The following BCAR3 variants were observed in gnomAD, a reference collection of about 807,000 sequenced individuals.
BCAR3 encodes the protein breast cancer anti-estrogen resistance protein 3.
BCAR3 carries 37 observed loss-of-function variants against 80.1 expected under a neutral mutation model. The observed-to-expected ratio is 0.46, with a 90% confidence interval of 0.36 to 0.61. The LOEUF is 0.61. BCAR3 is among the 20% of genes least tolerant of loss of function. The pLI is 0.00. For missense variants in BCAR3, 978 were observed against 1,068.2 expected, an observed-to-expected ratio of 0.92 and a Z score of 1.18; for synonymous variants, 389 against 418.9, an observed-to-expected ratio of 0.93 and a Z score of 0.87.
intron 3 of BCAR3, among the ~76,000 whole-genome samples, chr1:93,616,441 A>G (rs1450356866): frequency 2.6e-5 from 4 of 152,122 alleles, no homozygotes; most frequent in Non-Finnish European, 4.4e-5. Flanking sequence ...AACGCTGCCT[A>G]TTTACGCTGA....
chr1:93,695,179 C>T (rs1649346565), intron 3 of BCAR3, among the ~76,000 whole-genome samples: 1 of 152,224 alleles, frequency 6.6e-6, no homozygotes, highest in African/African-American at 2.4e-5. Flanking sequence ...ATCACATGAG[C>T]CAGTTTGTTG....
At chr1:93,639,962 G>GT (rs920112377) in intron 3 of BCAR3, among the ~76,000 whole-genome samples, 3 of 152,084 alleles carry the variant, frequency 2.0e-5, no homozygotes, top group Non-Finnish European at 2.9e-5. Flanking sequence ...CTTGATGCTT[G>GT]TTTTTTTCGG....
At position 93,759,478 on chromosome 1, in the gene BCAR3, A is replaced by G. The variant is rs375573467; in HGVS notation, c.-62-53336T>C. ...CTGGCTGTGTTACCAAGCGGCCTCT[A>G]TGGGTGCTAGGGGAAGGAGTGTGTG... On this transcript the variant is annotated intron_variant, in intron 2 of 13. Transcript: ENST00000370244. 1.1e-4 allele frequency among the ~76,000 whole-genome samples: 16 copies of G among 152,254 alleles called. No homozygotes were observed. In the South Asian group the frequency reaches 1.7e-3, roughly 16 times the overall value.
intron 2 of BCAR3, among the ~76,000 whole-genome samples, chr1:93,801,254 A>C (rs150285528): frequency 5.9e-5 from 9 of 152,286 alleles, no homozygotes; most frequent in Non-Finnish European, 1.3e-4. Flanking sequence ...CTGAGCAGTA[A>C]GTTGTTGAAT....
chr1:93,738,868 A>G (rs1435675741), intron 2 of BCAR3, among the ~76,000 whole-genome samples: 3 of 152,226 alleles, frequency 2.0e-5, no homozygotes, highest in Non-Finnish European at 4.4e-5. Context: ...AACTTTAGTT[A>G]GGACCCTTCA....
At position 93,831,381 on chromosome 1, in the gene BCAR3, C is replaced by T. The variant is rs116061077; in HGVS notation, c.-63+14186G>A. On this transcript the variant is annotated intron_variant, in intron 2 of 13. Transcript: ENST00000370244. ...ACTCACACCTGACCTAAAACTTAAA[C>T]GCCTTATATTCTTCTGCAATACCAC... Among the ~76,000 whole-genome samples the T allele has an allele frequency of 9.2e-3, 1,397 of 152,268 alleles. 26 individuals carry two copies. Among genetic ancestry groups the T allele is most frequent in the African/African-American group, 0.031 (1,284 of 41,526 alleles).
intron 3 of BCAR3, among the ~76,000 whole-genome samples, chr1:93,607,688 C>G (rs1570963731): frequency 6.6e-6 from 1 of 152,132 alleles, no homozygotes; most frequent in African/African-American, 2.4e-5. Context: ...CAGCTTCAGC[C>G]TCAAGCTCCC....
chr1:93,612,965 G>A (rs927067638), intron 3 of BCAR3, among the ~76,000 whole-genome samples: 1 of 152,116 alleles, frequency 6.6e-6, no homozygotes, highest in Non-Finnish European at 1.5e-5. Context: ...TTTTTTAAAA[G>A]CGTATTGAGA....
At chr1:93,802,096 T>C (rs1571138339) in intron 2 of BCAR3, among the ~76,000 whole-genome samples, 2 of 150,442 alleles carry the variant, frequency 1.3e-5, no homozygotes, top group African/African-American at 4.9e-5. Flanking sequence ...GCCACTGCAC[T>C]GCAGCCTGAC....
chr1:93,847,478 G>T (rs1390427277), upstream of BCAR3: 1 of 152,778 alleles, frequency 6.5e-6, no homozygotes, highest in Non-Finnish European at 1.5e-5. Flanking sequence ...CGGCGGCTGG[G>T]TCTCGGTGAC....
At chr1:93,834,118 C>T (rs1295097345) in intron 2 of BCAR3, among the ~76,000 whole-genome samples, 1 of 152,174 alleles carries the variant, frequency 6.6e-6, no homozygotes, top group Non-Finnish European at 1.5e-5. Context: ...CCTTACCCTG[C>T]TCAATGCCAA....
chr1:93,607,362 G>T (rs1170031601), intron 3 of BCAR3, among the ~76,000 whole-genome samples: 1 of 152,120 alleles, frequency 6.6e-6, no homozygotes, highest in East Asian at 1.9e-4. Flanking sequence ...TCTAAGCTAA[G>T]AGGAAACACG....
At chr1:93,567,602 C>T in intron 10 of BCAR3, 111 bp from the exon 11 acceptor site, 1 of 1,406,942 alleles carries the variant, frequency 7.1e-7, no homozygotes, top group East Asian at 2.3e-5. Flanking sequence ...CTTCTACAAG[C>T]AACGCTGTCA....
At chr1:93,777,748 C>T (rs995583826) in intron 2 of BCAR3, among the ~76,000 whole-genome samples, 4 of 152,100 alleles carry the variant, frequency 2.6e-5, no homozygotes, top group African/African-American at 9.7e-5. Flanking sequence ...AAATTATTGG[C>T]TGGAATACTC....
intron 2 of BCAR3, among the ~76,000 whole-genome samples, chr1:93,669,064 C>T (rs1295240366): frequency 6.6e-6 from 1 of 151,946 alleles, no homozygotes. Context: ...AAAAAGTACA[C>T]AAAAAGCTTC....
intron 2 of BCAR3, among the ~76,000 whole-genome samples, chr1:93,730,793 C>T (rs58410484): frequency 0.11 from 16,041 of 152,210 alleles, 959 homozygotes; most frequent in African/African-American, 0.15. Context: ...CTCCCTCATC[C>T]GGAAGGTGGA....
intron 2 of BCAR3, among the ~76,000 whole-genome samples, chr1:93,773,234 A>G (rs1411655373): frequency 6.6e-6 from 1 of 152,240 alleles, no homozygotes; most frequent in Non-Finnish European, 1.5e-5. Context: ...TGGCATTACA[A>G]GTCTTCAGGC....
intron 2 of BCAR3, among the ~76,000 whole-genome samples, chr1:93,770,127 T>A (rs1339206560): frequency 1.3e-5 from 2 of 152,194 alleles, no homozygotes; most frequent in Non-Finnish European, 2.9e-5. Flanking sequence ...GTGGCTCAAC[T>A]GTCACTTGGC....
At position 93,663,874 on chromosome 1, in the gene BCAR3, C is replaced by T. The variant is rs186289356; in HGVS notation, c.317+10740G>A. Among the ~76,000 whole-genome samples the T allele has an allele frequency of 2.4e-4, 36 of 152,330 alleles. No homozygotes were observed. The East Asian group carries it at 4.8e-3, about 20-fold the overall frequency. On this transcript the variant is annotated intron_variant, in intron 2 of 11. Transcript: ENST00000260502. ...AACAGAAGAGCTATCTGGATGGCCACATACCTCTTCCTCCTTTGGAACTGG... is the reference window on the plus strand; with the variant it reads ...AACAGAAGAGCTATCTGGATGGCCATATACCTCTTCCTCCTTTGGAACTGG...
Sources: allele counts gnomAD v4.1 joint callset (sites outside exome capture counted in the v4.1 genomes callset), GRCh38; gene constraint gnomAD v4.1.1; transcripts MANE v1.5; gene names NCBI Gene and HGNC (gene_info 2026-07-23, HGNC 2026-07-21).